CDK6: variants seen among roughly 807,000 people sequenced by gnomAD.
CDK6 encodes cyclin dependent kinase 6.
A neutral mutation model predicts 37.1 loss-of-function variants in CDK6; 6 were observed. That is an observed-to-expected ratio of 0.16 (90% CI 0.09 to 0.32). The LOEUF (loss-of-function observed/expected upper bound fraction) is 0.32, where lower values mean the gene tolerates loss of function less well. Ranked by LOEUF, CDK6 falls within the 10% of genes least tolerant of loss-of-function variation. CDK6 has a pLI of 1.00. For missense variants in CDK6, 224 were observed against 418.9 expected (o/e 0.53, Z 4.06); for synonymous variants, 160 against 161.3 (o/e 0.99, Z 0.06).
chr7:92,768,645 G>C (rs961893250), intron 3 of CDK6, among the ~76,000 whole-genome samples: 1 of 152,158 alleles, frequency 6.6e-6, no homozygotes, highest in African/African-American at 2.4e-5. Context: ...TTATGGTAGA[G>C]TATTTGTTCT....
chr7:92,700,489 T>G (rs920395616), intron 4 of CDK6, among the ~76,000 whole-genome samples: 7 of 152,142 alleles, frequency 4.6e-5, no homozygotes, highest in Non-Finnish European at 1.0e-4. Flanking sequence ...CTAGGATAAG[T>G]CCCAGGTTTC....
rs1040183409 is a variant in CDK6, at chr7:92,612,524, C to T, written c.*2616G>A. The T allele has an allele frequency of 4.3e-6, 1 of 233,098 alleles. No individual in the cohort carries two copies. Among genetic ancestry groups the T allele is most frequent in the South Asian group, 1.8e-4 (1 of 5,528 alleles). 14.4% of individuals were successfully genotyped at this position (233,098 alleles called of 1,614,324 possible). On this transcript the variant is annotated 3_prime_UTR_variant, in exon 8 of 8. Transcript: ENST00000424848. ...AGTATTCACTCAAATGCAACAACTA[C>T]ACCGATGGAAGAACTGGGGACAGAT...
intron 3 of CDK6, among the ~76,000 whole-genome samples, chr7:92,737,270 C>T (rs1798810678): frequency 6.6e-6 from 1 of 152,188 alleles, no homozygotes; most frequent in African/African-American, 2.4e-5. Context: ...TTCCCTAACA[C>T]TCTATTAAGA....
intron 4 of CDK6, among the ~76,000 whole-genome samples, chr7:92,676,180 A>C (rs1797199170): frequency 6.6e-6 from 1 of 151,904 alleles, no homozygotes; most frequent in Non-Finnish European, 1.5e-5. Flanking sequence ...ATTAATAATA[A>C]AATGCTAACT....
intron 4 of CDK6, among the ~76,000 whole-genome samples, chr7:92,702,795 G>A (rs577211180): frequency 6.6e-6 from 1 of 152,248 alleles, no homozygotes; most frequent in East Asian, 1.9e-4. Context: ...AATTCCTGGA[G>A]GCCATTTCTA....
At chr7:92,730,524 C>T (rs1359332270) in intron 3 of CDK6, among the ~76,000 whole-genome samples, 1 of 152,188 alleles carries the variant, frequency 6.6e-6, no homozygotes, top group Non-Finnish European at 1.5e-5. Context: ...ACTTCTCTCG[C>T]ATGTCTCCCC....
intron 5 of CDK6, among the ~76,000 whole-genome samples, chr7:92,651,584 A>G (rs1321600625): frequency 2.0e-5 from 3 of 152,200 alleles, no homozygotes; most frequent in Admixed American, 6.5e-5. Flanking sequence ...GGTCTTTGAT[A>G]TTATAAGGAG....
intron 2 of CDK6, among the ~76,000 whole-genome samples, chr7:92,788,401 T>C (rs566824771): frequency 4.6e-5 from 7 of 152,206 alleles, no homozygotes; most frequent in African/African-American, 1.4e-4. Flanking sequence ...CCCATGTAAG[T>C]GAATATTTTA....
In CDK6 at chr7:92,711,552, A is replaced by ATTTTTT. The variant is rs11285626; in HGVS notation, c.537+14068_537+14073dup. 2.1e-3 allele frequency among the ~76,000 whole-genome samples: 117 copies of ATTTTTT among 56,630 alleles called. 13 individuals carry two copies. Among genetic ancestry groups the ATTTTTT allele is most frequent in the African/African-American group, 7.0e-3 (85 of 12,218 alleles). 37.2% of individuals were successfully genotyped at this position (56,630 alleles called of 152,430 possible). ...TTTTTTACCTACCTGGAATGGTCAA[A>ATTTTTT]TTTTTTTTTTTTTTTTTTTTTTTTT... On this transcript the variant is annotated intron_variant, in intron 4 of 7. Coordinates refer to ENST00000424848, the MANE Select transcript of CDK6 (RefSeq NM_001145306.2).
At chr7:92,704,810 C>T (rs1481627311) in intron 4 of CDK6, among the ~76,000 whole-genome samples, 1 of 152,126 alleles carries the variant, frequency 6.6e-6, no homozygotes, top group Non-Finnish European at 1.5e-5. Context: ...GAATATGACT[C>T]TTGGTACACA....
chr7:92,693,751 T>A (rs1042468019), intron 4 of CDK6, among the ~76,000 whole-genome samples: 2 of 152,212 alleles, frequency 1.3e-5, no homozygotes, highest in Non-Finnish European at 2.9e-5. Context: ...TTGGTCATAT[T>A]GTCAGCTTTG....
chr7:92,774,608 G>A (rs1281168535), intron 3 of CDK6, 88 bp downstream of exon 3: 5 of 1,172,784 alleles, frequency 4.3e-6, no homozygotes, highest in Non-Finnish European at 5.9e-6. Flanking sequence ...AGTTGTAATT[G>A]TGGCAATTTT....
chr7:92,762,359 G>A (rs1383690551), intron 3 of CDK6, among the ~76,000 whole-genome samples: 1 of 151,952 alleles, frequency 6.6e-6, no homozygotes, highest in African/African-American at 2.4e-5. Flanking sequence ...TCCCGACCCG[G>A]AATATATTTT....
intron 3 of CDK6, among the ~76,000 whole-genome samples, chr7:92,759,192 T>C (rs1366619357): frequency 6.6e-6 from 1 of 152,156 alleles, no homozygotes; most frequent in Non-Finnish European, 1.5e-5. Context: ...ACAAGAAGAA[T>C]AGAGATCTCT....
intron 3 of CDK6, among the ~76,000 whole-genome samples, chr7:92,753,368 T>C (rs1482740836): frequency 6.6e-6 from 1 of 152,180 alleles, no homozygotes; most frequent in African/African-American, 2.4e-5. Flanking sequence ...TCCTTTGTGA[T>C]CTAACATTTG....
At position 92,833,686 on chromosome 7, in the gene CDK6, T is replaced by C. The variant is rs1314263840; in HGVS notation, c.-363A>G. On this transcript the variant is annotated 5_prime_UTR_variant, in exon 2 of 8. Coordinates refer to ENST00000424848, the MANE Select transcript of CDK6 (RefSeq NM_001145306.2). The surrounding 1 kb of genome is among the most constrained non-coding windows in gnomAD (Gnocchi z 6.1). ...CAAGCGCGTCTCAGTCCAGAATCATTGCACCTAAAGGAGGAGACGGGAGGA... is the reference window on the plus strand; with the variant it reads ...CAAGCGCGTCTCAGTCCAGAATCATCGCACCTAAAGGAGGAGACGGGAGGA... 1 of 454,460 alleles carries C rather than the reference T, an allele frequency of 2.2e-6. No homozygotes were observed. Among genetic ancestry groups the C allele is most frequent in the Non-Finnish European group, 3.8e-6 (1 of 261,836 alleles). 28.2% of individuals were successfully genotyped at this position (454,460 alleles called of 1,614,324 possible). A position where few individuals can be genotyped will look rare whatever the true frequency, so the allele number is the denominator to read the frequency against.
At chr7:92,752,556 G>A (rs1016090633) in intron 3 of CDK6, among the ~76,000 whole-genome samples, 2 of 152,186 alleles carry the variant, frequency 1.3e-5, no homozygotes, top group Non-Finnish European at 2.9e-5. Context: ...TTTAATGCAT[G>A]TTAGGAAAGA....
At chr7:92,811,683 TGA>T (rs1562972008) in intron 2 of CDK6, among the ~76,000 whole-genome samples, 1 of 151,972 alleles carries the variant, frequency 6.6e-6, no homozygotes, top group African/African-American at 2.4e-5. Flanking sequence ...TAGGCAGACT[TGA>T]GAGATTCCTA....
intron 4 of CDK6, among the ~76,000 whole-genome samples, chr7:92,718,417 G>A (rs1798282622): frequency 6.6e-6 from 1 of 152,164 alleles, no homozygotes; most frequent in Non-Finnish European, 1.5e-5. Flanking sequence ...GGCTGCCCAA[G>A]CCGAGGCACA....
Sources: allele counts gnomAD v4.1 joint callset (sites outside exome capture counted in the v4.1 genomes callset), GRCh38; gene constraint gnomAD v4.1.1; non-coding constraint Gnocchi (gnomAD v3.1); transcripts MANE v1.5; gene names NCBI Gene and HGNC (gene_info 2026-07-23, HGNC 2026-07-21).